The following LHPP variants were observed in gnomAD, a reference collection of about 807,000 sequenced individuals.
LHPP encodes phospholysine phosphohistidine inorganic pyrophosphate phosphatase, also known as hLHPP.
Under a neutral mutation model 30.3 loss-of-function variants are expected in LHPP, and 24 were observed. That is an observed-to-expected ratio of 0.79 (90% confidence interval 0.57 to 1.11). The LOEUF (loss-of-function observed/expected upper bound fraction) is 1.11, where lower values mean the gene tolerates loss of function less well. Among genes scored for constraint, LHPP ranks in the 50% most tolerant of loss-of-function variants. The pLI, the probability that LHPP is intolerant of heterozygous loss-of-function variation, is 0.00. For missense variants in LHPP, 356 were observed against 367.2 expected (o/e 0.97, Z 0.25); for synonymous variants, 150 against 157.1 (o/e 0.95, Z 0.34).
At chr10:124,504,741 G>A (rs1954011809) in intron 5 of LHPP, among the ~76,000 whole-genome samples, 3 of 152,256 alleles carry the variant, frequency 2.0e-5, no homozygotes, top group African/African-American at 7.2e-5. Context: ...GACCTTGGGT[G>A]GTCTCCCTGC....
At chr10:124,606,407 C>G (rs1046892237) in intron 6 of LHPP, among the ~76,000 whole-genome samples, 1 of 152,220 alleles carries the variant, frequency 6.6e-6, no homozygotes, top group African/African-American at 2.4e-5. Context: ...ACTCCAGGCC[C>G]TTTTCTTTCT....
At chr10:124,528,042 T>TACAGGGGAGCCGCCAC (rs11269860) in intron 6 of LHPP, among the ~76,000 whole-genome samples, 1 of 151,668 alleles carries the variant, frequency 6.6e-6, no homozygotes, top group Admixed American at 6.6e-5. Flanking sequence ...GTGCTGGGAT[T>TACAGGGGAGCCGCCAC]ACCCGGCTTG....
intron 1 of LHPP, among the ~76,000 whole-genome samples, chr10:124,466,875 C>T (rs183145825): frequency 5.3e-5 from 8 of 152,096 alleles, no homozygotes; most frequent in African/African-American, 1.4e-4. Flanking sequence ...CACAGTGGCT[C>T]ATACCTGTAA....
intron 5 of LHPP, among the ~76,000 whole-genome samples, chr10:124,516,444 T>C (rs186903818): frequency 6.6e-6 from 1 of 152,188 alleles, no homozygotes; most frequent in Non-Finnish European, 1.5e-5. Flanking sequence ...ACACTTGAGT[T>C]CACAGCACCC....
chr10:124,571,754 T>C (rs12269528), intron 6 of LHPP, among the ~76,000 whole-genome samples: 77,713 of 151,978 alleles, frequency 0.51, 20,123 homozygotes, highest in South Asian at 0.67. Context: ...ACCACGCTGG[T>C]CCTCAGGAAG....
At chr10:124,498,195 A>T in intron 5 of LHPP, 67 bp downstream of exon 5, 1 of 1,542,438 alleles carries the variant, frequency 6.5e-7, no homozygotes, top group Non-Finnish European at 9.0e-7. Context: ...GGAGCTTGGA[A>T]TGGATTACAG....
At chr10:124,568,354 C>T (rs946033281) in intron 6 of LHPP, among the ~76,000 whole-genome samples, 1 of 152,220 alleles carries the variant, frequency 6.6e-6, no homozygotes, top group African/African-American at 2.4e-5. Context: ...GGACATTTCC[C>T]ACCCTCTTCT....
intron 5 of LHPP, among the ~76,000 whole-genome samples, chr10:124,504,586 C>T (rs1201864468): frequency 1.4e-5 from 2 of 142,008 alleles, no homozygotes; most frequent in African/African-American, 5.4e-5. Flanking sequence ...GGCAACTGAG[C>T]GAGACCCTGT....
At chr10:124,607,875 A>G (rs528743347) in intron 6 of LHPP, among the ~76,000 whole-genome samples, 1 of 152,316 alleles carries the variant, frequency 6.6e-6, no homozygotes, top group South Asian at 2.1e-4. Context: ...GACTCCTTGT[A>G]AGCGTGGGCT....
Position 124,523,341 on chromosome 10 carries a change from G to A in LHPP, c.716+6070G>A, listed in dbSNP as rs1288293805. Among the ~76,000 whole-genome samples the A allele has an allele frequency of 5.3e-5, 8 of 152,290 alleles. No individual in the cohort carries two copies. The South Asian group carries it at 6.2e-4, about 12-fold the overall frequency. On this transcript the variant is annotated intron_variant, in intron 6 of 6. Coordinates refer to ENST00000368842, the MANE Select transcript of LHPP (RefSeq NM_022126.4). The surrounding 1 kb of genome is among the most constrained non-coding windows in gnomAD (Gnocchi z 4.2). Reference sequence around the variant, plus strand: ...GGCCAGCCGATCTAGGATTCCAGCCGCCTTGCACAAAGCTGGAAGACGAGG... The same window carrying A: ...GGCCAGCCGATCTAGGATTCCAGCCACCTTGCACAAAGCTGGAAGACGAGG...
At chr10:124,512,616 CAAAAAAAAAAAAA>C (rs34808470) in intron 5 of LHPP, among the ~76,000 whole-genome samples, 1 of 54,192 alleles carries the variant, frequency 1.8e-5, no homozygotes, top group Non-Finnish European at 3.5e-5. Context: ...GACTCCGTCT[CAAAAAAAAAAAAA>C]AAAAAAAAAA....
chr10:124,604,849 T>C (rs1949071517), intron 6 of LHPP, among the ~76,000 whole-genome samples: 1 of 152,240 alleles, frequency 6.6e-6, no homozygotes, highest in Non-Finnish European at 1.5e-5. Flanking sequence ...AGGCAGCTGT[T>C]GCGGCCTCCA....
At chr10:124,601,437 G>A (rs1051306480) in intron 6 of LHPP, among the ~76,000 whole-genome samples, 8 of 152,206 alleles carry the variant, frequency 5.3e-5, no homozygotes, top group Non-Finnish European at 1.0e-4. Flanking sequence ...AGACAGGCGG[G>A]TGAGCACTTG....
At chr10:124,503,122 T>G (rs1953959691) in intron 5 of LHPP, among the ~76,000 whole-genome samples, 1 of 151,392 alleles carries the variant, frequency 6.6e-6, no homozygotes, top group Admixed American at 6.6e-5. Context: ...CAGGCTGGAG[T>G]GCAGTGGTGC....
At chr10:124,578,492 GA>G (rs1369042935) in intron 6 of LHPP, among the ~76,000 whole-genome samples, 1 of 152,244 alleles carries the variant, frequency 6.6e-6, no homozygotes, top group Non-Finnish European at 1.5e-5. Context: ...CGTCTGCTGT[GA>G]AGGACTGGCG....
intron 5 of LHPP, among the ~76,000 whole-genome samples, chr10:124,506,402 C>A (rs979649198): frequency 1.3e-5 from 2 of 151,980 alleles, no homozygotes; most frequent in Non-Finnish European, 2.9e-5. Context: ...GGACCACCCC[C>A]TTCCCAAGCT....
chr10:124,471,892 C>A (rs1327594400), intron 1 of LHPP, among the ~76,000 whole-genome samples: 1 of 150,190 alleles, frequency 6.7e-6, no homozygotes, highest in Non-Finnish European at 1.5e-5. Context: ...CCTCAGCCTA[C>A]CCAGTAGCTG....
intron 6 of LHPP, among the ~76,000 whole-genome samples, chr10:124,572,580 G>A (rs982446504): frequency 9.3e-5 from 14 of 151,198 alleles, no homozygotes; most frequent in Non-Finnish European, 1.5e-4. Flanking sequence ...GCAGTAAACC[G>A]AGATCACGCC....
At chr10:124,480,123 T>C (rs1778373346) in intron 1 of LHPP, among the ~76,000 whole-genome samples, 2 of 152,322 alleles carry the variant, frequency 1.3e-5, no homozygotes, top group East Asian at 1.9e-4. Context: ...GTGCCTACTT[T>C]CTTTATTTTC....
Sources: allele counts gnomAD v4.1 joint callset (sites outside exome capture counted in the v4.1 genomes callset), GRCh38; gene constraint gnomAD v4.1.1; non-coding constraint Gnocchi (gnomAD v3.1); transcripts MANE v1.5; gene names NCBI Gene and HGNC (gene_info 2026-07-23, HGNC 2026-07-21).